Variants in TENM2 observed in about 807,000 individuals in gnomAD.
The protein encoded by TENM2 is teneurin transmembrane protein 2.
A neutral mutation model predicts 245.2 loss-of-function variants in TENM2; 52 were observed. That is an observed-to-expected ratio of 0.21 (90% CI 0.17 to 0.27). TENM2 has a LOEUF of 0.27. Among genes scored for constraint, TENM2 ranks in the 10% least tolerant of loss-of-function variants. The pLI is 1.00. For missense variants in TENM2, 3,046 were observed against 3,666.8 expected (o/e 0.83, Z 4.37); for synonymous variants, 1,363 against 1,438.9 (o/e 0.95, Z 1.19).
chr5:168,127,859 C>T (rs991174426), intron 12 of TENM2, among the ~76,000 whole-genome samples: 11 of 152,162 alleles, frequency 7.2e-5, no homozygotes, highest in East Asian at 1.9e-4. Flanking sequence ...TTCTCAAAGA[C>T]GTTTCCAGCC....
chr5:168,076,772 A>G (rs576979021), intron 7 of TENM2, among the ~76,000 whole-genome samples: 1 of 152,320 alleles, frequency 6.6e-6, no homozygotes, highest in African/African-American at 2.4e-5. Flanking sequence ...ATGAACTCCA[A>G]TTTAGGGACC....
chr5:168,077,562 T>C (rs1447729648), intron 7 of TENM2, among the ~76,000 whole-genome samples: 2 of 152,178 alleles, frequency 1.3e-5, no homozygotes, highest in African/African-American at 4.8e-5. Flanking sequence ...TCTCTCCTAA[T>C]GCTATCCCTC....
At chr5:168,226,410 C>T (rs1764192338) in intron 24 of TENM2, 147 bp downstream of exon 26, 3 of 665,626 alleles carry the variant, frequency 4.5e-6, no homozygotes, top group East Asian at 2.8e-5. Flanking sequence ...GTGTCCACAG[C>T]AAACTATAAG....
intron 1 of TENM2, among the ~76,000 whole-genome samples, chr5:167,333,328 T>G (rs535652518): frequency 6.6e-6 from 1 of 152,318 alleles, no homozygotes. Context: ...TAGCCTCGAT[T>G]TTCTCAGCTG....
chr5:168,245,880 AT>A (rs370591280), intron 26 of TENM2, among the ~76,000 whole-genome samples: 1,548 of 152,034 alleles, frequency 0.01, 22 homozygotes, highest in African/African-American at 0.033. Flanking sequence ...AATTGAAGTC[AT>A]TTTTTTCCCC....
At chr5:168,132,598 C>T (rs1412013984) in intron 12 of TENM2, among the ~76,000 whole-genome samples, 1 of 152,150 alleles carries the variant, frequency 6.6e-6, no homozygotes, top group Admixed American at 6.5e-5. Context: ...GAGTCAATAG[C>T]TTGATATAAG....
At chr5:168,169,654 G>A (rs1740672973) in intron 13 of TENM2, among the ~76,000 whole-genome samples, 2 of 152,222 alleles carry the variant, frequency 1.3e-5, no homozygotes. Flanking sequence ...GCATTTAGCA[G>A]AGCCAAGCTA....
chr5:167,439,172 T>G (rs1475817324), intron 2 of TENM2, among the ~76,000 whole-genome samples: 1 of 152,146 alleles, frequency 6.6e-6, no homozygotes, highest in Non-Finnish European at 1.5e-5. Flanking sequence ...CAGGTTAGTT[T>G]TAATGGAGAG....
intron 2 of TENM2, among the ~76,000 whole-genome samples, chr5:167,505,349 A>T (rs965406823): frequency 6.6e-6 from 1 of 152,144 alleles, no homozygotes; most frequent in Non-Finnish European, 1.5e-5. Flanking sequence ...TCCTCCATTT[A>T]TATTATTTTT....
the TENM2 span, among the ~76,000 whole-genome samples, chr5:167,151,967 A>G: frequency 6.6e-6 from 1 of 152,174 alleles, no homozygotes; most frequent in Non-Finnish European, 1.5e-5. Context: ...CATTGCACAC[A>G]CTACGGCTTT....
chr5:167,212,285 G>T, the TENM2 span, among the ~76,000 whole-genome samples: 1 of 152,082 alleles, frequency 6.6e-6, no homozygotes. Context: ...TTCTCACCAA[G>T]AACAGCATCA....
At chr5:168,190,385 G>C in exon 14 of TENM2, 1 of 1,613,976 alleles carries the variant, frequency 6.2e-7, no homozygotes, top group Non-Finnish European at 8.5e-7. Context: ...CAGTCAGCCT[G>C]TCAGAACAGC....
At chr5:167,070,284 A>ATTTTTTTT in the TENM2 span, among the ~76,000 whole-genome samples, 5 of 99,348 alleles carry the variant, frequency 5.0e-5, no homozygotes, top group South Asian at 3.4e-4. Flanking sequence ...CGCCCGGCTA[A>ATTTTTTTT]TTTTTTTTTT....
chr5:167,474,029 T>C (rs556908138), intron 2 of TENM2, among the ~76,000 whole-genome samples: 21 of 152,212 alleles, frequency 1.4e-4, no homozygotes, highest in Non-Finnish European at 2.9e-4. Flanking sequence ...GCAGGATTTA[T>C]GGATTAGATT....
intron 12 of TENM2, among the ~76,000 whole-genome samples, chr5:168,128,330 G>T (rs1157791909): frequency 6.6e-6 from 1 of 152,188 alleles, no homozygotes; most frequent in Non-Finnish European, 1.5e-5. Context: ...TACTGAGACA[G>T]TTCTTACAAT....
intron 1 of TENM2, among the ~76,000 whole-genome samples, chr5:167,366,204 C>T (rs1760044008): frequency 1.3e-5 from 2 of 151,840 alleles, no homozygotes; most frequent in African/African-American, 4.8e-5. Flanking sequence ...ACAAACCTAG[C>T]AGAAATTTTT....
chr5:167,359,946 A>G (rs2127261653), intron 1 of TENM2, among the ~76,000 whole-genome samples: 1 of 152,318 alleles, frequency 6.6e-6, no homozygotes, highest in East Asian at 1.9e-4. Flanking sequence ...GCATTTTCTC[A>G]CATATAAATG....
the TENM2 span, among the ~76,000 whole-genome samples, chr5:166,987,219 CT>C: frequency 6.6e-6 from 1 of 152,088 alleles, no homozygotes; most frequent in Non-Finnish European, 1.5e-5. Flanking sequence ...GTTGTCATTT[CT>C]TGGTTTTTCT....
chr5:168,215,230 G>C (rs747834254), exon 21 of TENM2: 1 of 1,613,958 alleles, frequency 6.2e-7, no homozygotes, highest in Non-Finnish European at 8.5e-7. Context: ...CCGCTGCGGG[G>C]ATGGAGGGAA....
Sources: allele counts gnomAD v4.1 joint callset (sites outside exome capture counted in the v4.1 genomes callset), GRCh38; gene constraint gnomAD v4.1.1; transcripts MANE v1.5; gene names NCBI Gene and HGNC (gene_info 2026-07-23, HGNC 2026-07-21).